Variants in PTGS1 observed in about 807,000 individuals in gnomAD.
PTGS1 encodes prostaglandin G/H synthase 1.
A neutral mutation model predicts 63.0 loss-of-function variants in PTGS1; 40 were observed. The observed-to-expected ratio is 0.63, with a 90% CI of 0.49 to 0.83. The LOEUF (loss-of-function observed/expected upper bound fraction) is 0.83. PTGS1 is among the 40% of genes least tolerant of loss of function. PTGS1 has a pLI of 0.00. For synonymous variants in PTGS1, 298 were observed against 301.9 expected (o/e 0.99, Z 0.13); for missense variants, 709 against 786.5 (o/e 0.90, Z 1.18).
At position 122,383,668 on chromosome 9, in the gene PTGS1, C is replaced by T. The variant is rs1477254696; in HGVS notation, c.922C>T (p.His308Tyr). Residue 308 changes from histidine (H) to tyrosine (Y), a missense_variant, in exon 8 of 11, where the codon CAC becomes TAC. His to Tyr is a moderately conservative substitution (Grantham distance 83). Transcript: ENST00000362012. ...MLYATLWLRE[H>Y]NRVCDLLKAE... is the part of the protein sequence containing the mutation. ...GTATGCCACGCTCTGGCTACGTGAGCACAACCGTGTGTGTGACCTGCTGAA... is the reference window on the plus strand; with the variant it reads ...GTATGCCACGCTCTGGCTACGTGAGTACAACCGTGTGTGTGACCTGCTGAA... 6.2e-7 allele frequency: 1 copy of T among 1,614,158 alleles called. No homozygotes were observed. The highest frequency in any genetic ancestry group is 8.5e-7 in the Non-Finnish European group (1 of 1,180,032).
intron 2 of PTGS1, among the ~76,000 whole-genome samples, chr9:122,375,603 A>C (rs1251755968): frequency 6.6e-6 from 1 of 152,114 alleles, no homozygotes; most frequent in East Asian, 1.9e-4. Context: ...CTTCTCCTGG[A>C]AGCTTATGGT....
chr9:122,382,316 C>G (rs1315049426), intron 7 of PTGS1, among the ~76,000 whole-genome samples: 1 of 152,156 alleles, frequency 6.6e-6, no homozygotes, highest in African/African-American at 2.4e-5. Flanking sequence ...AGCATGTAAT[C>G]AATACATTAT....
At chr9:122,390,109 C>T in intron 9 of PTGS1, 89 bp from the exon 10 acceptor site, 3 of 1,472,552 alleles carry the variant, frequency 2.0e-6, no homozygotes, top group Non-Finnish European at 2.7e-6. Context: ...AAGGGACTCC[C>T]ACTGGAAGCT....
intron 2 of PTGS1, among the ~76,000 whole-genome samples, chr9:122,372,060 C>T (rs1588114468): frequency 6.6e-6 from 1 of 152,102 alleles, no homozygotes; most frequent in Non-Finnish European, 1.5e-5. Flanking sequence ...TTCAGCTCCT[C>T]GCTCAGCCAA....
In PTGS1 at chr9:122,392,262, G is replaced by T. The variant is rs989628881; in HGVS notation, c.1518G>T (p.Leu506=). ...DIDALEFYPG[L]LLEKCHPNSI... is the part of the protein sequence containing the mutation. ...ATGCGTTGGAGTTCTACCCTGGACT[G>T]CTTCTTGAAAAGTGCCATCCAAACT... Residue 506 remains leucine (L), a synonymous_variant, in exon 11 of 11, where the codon CTG becomes CTT. Transcript: ENST00000362012. 1.9e-6 allele frequency: 3 copies of T among 1,613,336 alleles called. No individual in the cohort carries two copies. The highest frequency in any genetic ancestry group is 2.5e-6 in the Non-Finnish European group (3 of 1,179,432).
chr9:122,378,693 G>T lies in PTGS1; in HGVS notation c.353-82G>T. ...GAGTCTATGATGCCTGATAAAATAA[G>T]CCCCAACCCAGGAGGAGGCAAGAAC... is the stretch of plus-strand genomic sequence containing the variant. On this transcript the variant is annotated intron_variant, in intron 4 of 10. Coordinates refer to ENST00000362012, the MANE Select transcript of PTGS1 (RefSeq NM_000962.4). The T allele has an allele frequency of 2.5e-6, 4 of 1,602,138 alleles. No homozygotes were observed. In the Admixed American group the frequency reaches 6.7e-5, roughly 27 times the overall value.
intron 5 of PTGS1, among the ~76,000 whole-genome samples, chr9:122,379,351 C>T (rs1377160849): frequency 6.6e-6 from 1 of 152,184 alleles, no homozygotes. Flanking sequence ...CAAGACTTCA[C>T]TTAGCCACAC....
intron 2 of PTGS1, among the ~76,000 whole-genome samples, chr9:122,374,621 T>C (rs1042305591): frequency 2.2e-4 from 33 of 152,182 alleles, no homozygotes; most frequent in Admixed American, 1.9e-3. Flanking sequence ...ACATGCAGGA[T>C]TGAAGTTAGA....
chr9:122,379,223 G>A (rs1460173745), intron 5 of PTGS1, among the ~76,000 whole-genome samples: 1 of 152,176 alleles, frequency 6.6e-6, no homozygotes, highest in Non-Finnish European at 1.5e-5. Context: ...ATGTAGGAAA[G>A]AATAGTGAGC....
At position 122,375,102 on chromosome 9, in the gene PTGS1, G is replaced by A. The variant is rs560234268; in HGVS notation, c.95-2797G>A. On this transcript the variant is annotated intron_variant, in intron 2 of 10. Coordinates refer to ENST00000362012, the MANE Select transcript of PTGS1 (RefSeq NM_000962.4). ...TCTAGTGGCACCCAGTCTCCTCTCC[G>A]CCCACCCTGACACCTTGGGGCACCA... Among the ~76,000 whole-genome samples the A allele has an allele frequency of 2.1e-4, 32 of 152,244 alleles. No homozygotes were observed. The East Asian group carries it at 5.6e-3, about 27-fold the overall frequency.
At position 122,378,887 on chromosome 9, in the gene PTGS1, T is replaced by A; in HGVS notation, c.465T>A (p.Pro155=). The A allele has an allele frequency of 6.2e-7, 1 of 1,614,208 alleles. No individual in the cohort carries two copies. The highest frequency in any genetic ancestry group is 2.2e-5 in the East Asian group (1 of 44,888). Residue 155 remains proline, a synonymous_variant, in exon 5 of 11, where the codon CCT becomes CCA. Transcript: ENST00000362012. ...SYYTRILPSV[P]KDCPTPMGTK... is the part of the protein sequence containing the mutation. ...ACACTCGTATTCTGCCCTCTGTGCC[T>A]AAAGATTGCCCCACACCCATGGGAA...
In PTGS1 at chr9:122,378,800, C is replaced by T; in HGVS notation, c.378C>T (p.Pro126=). 6.2e-7 allele frequency: 1 copy of T among 1,614,222 alleles called. No individual in the cohort carries two copies. Among genetic ancestry groups the T allele is most frequent in the Non-Finnish European group, 8.5e-7 (1 of 1,180,038 alleles). The change falls in exon 5 of 11, where the codon CCC becomes CCT. Residue 126 remains proline, a synonymous_variant. Coordinates refer to ENST00000362012, the MANE Select transcript of PTGS1 (RefSeq NM_000962.4). Reference sequence around the variant, plus strand: ...TGCGCTCCAACCTTATCCCCAGTCCCCCCACCTACAACTCAGCACATGACT... The same window carrying T: ...TGCGCTCCAACCTTATCCCCAGTCCTCCCACCTACAACTCAGCACATGACT... ...LTVRSNLIPS[P]PTYNSAHDYI...
Position 122,375,531 on chromosome 9 carries a change from G to C in PTGS1, c.95-2368G>C, listed in dbSNP as rs545173585. The C allele has an allele frequency of 4.1e-5, 40 of 966,226 alleles. No homozygotes were observed. The South Asian group carries it at 1.7e-3, about 42-fold the overall frequency. 59.9% of individuals were successfully genotyped at this position (966,226 alleles called of 1,614,324 possible). ...ACATCTGGATCCCAGACCTGGTTAA[G>C]CCCCAACTGTGTGCATAGCCTGTGC... On this transcript the variant is annotated intron_variant, in intron 2 of 10. Transcript: ENST00000362012.
At chr9:122,389,883 C>T (rs1588141079) in intron 9 of PTGS1, among the ~76,000 whole-genome samples, 1 of 152,000 alleles carries the variant, frequency 6.6e-6, no homozygotes, top group East Asian at 1.9e-4. Flanking sequence ...ATTGCTTGAG[C>T]CTGAGGAAGT....
chr9:122,373,724 G>C (rs1442250000), intron 2 of PTGS1, among the ~76,000 whole-genome samples: 1 of 152,224 alleles, frequency 6.6e-6, no homozygotes, highest in Non-Finnish European at 1.5e-5. Context: ...GCACCAGTTG[G>C]GTCTGTGGGC....
intron 1 of PTGS1, 22 bp downstream of exon 1, chr9:122,371,113 G>C (rs753286638): frequency 6.2e-7 from 1 of 1,604,548 alleles, no homozygotes; most frequent in Non-Finnish European, 8.5e-7. Context: ...CCCGGTGCCC[G>C]GTGGGGAATT....
intron 9 of PTGS1, among the ~76,000 whole-genome samples, chr9:122,389,203 T>A (rs184319672): frequency 7.2e-6 from 1 of 138,092 alleles, no homozygotes; most frequent in East Asian, 2.2e-4. Flanking sequence ...TGGGCTGGAG[T>A]GCAGTGGTGT....
At position 122,395,525 on chromosome 9, in the gene PTGS1, T is replaced by C. The variant is rs1308909853; in HGVS notation, c.*2981T>C. 2 of 152,196 alleles carry C rather than the reference T, an allele frequency of 1.3e-5. No individual in the cohort carries two copies. Among genetic ancestry groups the C allele is most frequent in the Admixed American group, 1.3e-4 (2 of 15,272 alleles). The allele number at this position is 152,196 out of a possible 1,614,324, so 9.4% of individuals were successfully genotyped here. A position where few individuals can be genotyped will look rare whatever the true frequency, so the allele number is the denominator to read the frequency against. ...ATTTGGGTGAGCTGCACCTGATTAG[T>C]TGAAAGGCCTCAAGAACAAACACTG... On this transcript the variant is annotated 3_prime_UTR_variant, in exon 11 of 11. Transcript: ENST00000362012.
At chr9:122,378,699 A>G (rs1837334769) in intron 4 of PTGS1, 76 bp from the exon 5 acceptor site, 1 of 1,603,188 alleles carries the variant, frequency 6.2e-7, no homozygotes, top group Non-Finnish European at 8.5e-7. Flanking sequence ...ATAAGCCCCA[A>G]CCCAGGAGGA....
Sources: gnomAD v4.1 joint callset for allele counts (sites outside exome capture counted in the v4.1 genomes callset) on GRCh38, gnomAD v4.1.1 for gene constraint, MANE v1.5 for transcripts, NCBI Gene and HGNC (gene_info 2026-07-23, HGNC 2026-07-21) for gene names.